VSTM2A: variants seen among roughly 807,000 people sequenced by gnomAD.
VSTM2A encodes the protein V-set and transmembrane domain containing 2A, also known as V-set and transmembrane domain-containing protein 2A.
Under a neutral mutation model 27.3 loss-of-function variants are expected in VSTM2A, and 13 were observed. That is an observed-to-expected ratio of 0.48 (90% CI 0.31 to 0.76). The LOEUF (loss-of-function observed/expected upper bound fraction) is 0.76, where lower values mean the gene tolerates loss of function less well. Among genes scored for constraint, VSTM2A ranks in the 30% least tolerant of loss-of-function variants. The pLI, the probability that VSTM2A is intolerant of heterozygous loss-of-function variation, is 0.05. For missense variants in VSTM2A, 280 were observed against 310.0 expected (o/e 0.90, Z 0.73); for synonymous variants, 142 against 125.7 (o/e 1.13, Z -0.87).
At chr7:54,553,149 T>C (rs1423452426) in intron 4 of VSTM2A, among the ~76,000 whole-genome samples, 1 of 152,232 alleles carries the variant, frequency 6.6e-6, no homozygotes, top group Admixed American at 6.5e-5. Flanking sequence ...AGCTAACTGT[T>C]ATTTAATACG....
intron 4 of VSTM2A, among the ~76,000 whole-genome samples, chr7:54,567,900 G>A (rs548952804): frequency 6.6e-4 from 100 of 152,066 alleles, no homozygotes; most frequent in Non-Finnish European, 1.2e-3. Flanking sequence ...CAAAATCTCT[G>A]TACTTAGAAC....
At chr7:54,564,035 A>G (rs1399342596) in intron 4 of VSTM2A, among the ~76,000 whole-genome samples, 1 of 152,192 alleles carries the variant, frequency 6.6e-6, no homozygotes, top group African/African-American at 2.4e-5. Context: ...TTTTTCTCAC[A>G]CAGCGATTTT....
At chr7:54,565,073 CATTCAAATGATAGCTGCACATCTCAATTT>C (rs372757198) in intron 4 of VSTM2A, among the ~76,000 whole-genome samples, 107,909 of 151,620 alleles carry the variant, frequency 0.71, 39,687 homozygotes, top group Middle Eastern at 0.89. Flanking sequence ...GATGAGTATA[CATTCAAATGATAGCTGCACATCTCAATTT>C]AACAAATGTG....
At chr7:54,544,912 C>T (rs1584041935) in intron 2 of VSTM2A, 124 bp downstream of exon 2, 1 of 1,192,420 alleles carries the variant, frequency 8.4e-7, no homozygotes, top group Non-Finnish European at 1.1e-6. Context: ...TCTGTGGAAG[C>T]GAGTGACCCC....
chr7:54,546,445 G>A (rs980330561), intron 2 of VSTM2A, among the ~76,000 whole-genome samples: 1 of 151,870 alleles, frequency 6.6e-6, no homozygotes, highest in African/African-American at 2.4e-5. Flanking sequence ...GGGCGGGACG[G>A]CAGGCGGGAT....
chr7:54,558,219 G>A (rs1160529597), intron 4 of VSTM2A: 1 of 152,100 alleles, frequency 6.6e-6, no homozygotes, highest in East Asian at 1.9e-4. Context: ...AAATCACAAA[G>A]TAATTAGCAA....
chr7:54,544,003 T>C (rs925942389), intron 1 of VSTM2A, among the ~76,000 whole-genome samples: 1 of 152,180 alleles, frequency 6.6e-6, no homozygotes, highest in Non-Finnish European at 1.5e-5. Flanking sequence ...CATCTTAAGA[T>C]GTATGGCAAT....
At chr7:54,556,429 G>C (rs952910225) in intron 4 of VSTM2A, among the ~76,000 whole-genome samples, 1 of 152,330 alleles carries the variant, frequency 6.6e-6, no homozygotes. Context: ...AAGTCATTGG[G>C]AGGAGGGAGA....
Position 54,542,726 on chromosome 7 carries a change from T to C in VSTM2A, c.-5T>C. On this transcript the variant is annotated 5_prime_UTR_variant, in exon 1 of 5. Transcript: ENST00000402613. ...ACACTGATGTGACCCCCCTCCCTTT[T>C]TGGAATGATGGGGATCTTTTTGGTG... 3.7e-6 allele frequency: 6 copies of C among 1,613,604 alleles called. 1 individual carries two copies. The Middle Eastern group carries it at 5.0e-4, about 133-fold the overall frequency.
intron 4 of VSTM2A, chr7:54,551,989 A>G (rs547507540): frequency 1.3e-5 from 2 of 152,346 alleles, no homozygotes; most frequent in East Asian, 3.9e-4. Context: ...TAATAATGCA[A>G]TCTCAAAATA....
At chr7:54,549,795 T>G in intron 3 of VSTM2A, 39 bp from the exon 4 acceptor site, 1 of 1,514,898 alleles carries the variant, frequency 6.6e-7, no homozygotes, top group Admixed American at 2.1e-5. Flanking sequence ...AATCATTTGA[T>G]GTAGCACTTT....
intron 3 of VSTM2A, chr7:54,547,201 A>G (rs762961358): frequency 3.9e-6 from 2 of 514,578 alleles, no homozygotes; most frequent in Non-Finnish European, 6.6e-6. Context: ...ATGTCTAAAC[A>G]TTCTAGAGAA....
intron 4 of VSTM2A, chr7:54,558,715 T>C (rs910813515): frequency 8.6e-5 from 13 of 151,996 alleles, no homozygotes; most frequent in African/African-American, 3.1e-4. Context: ...AATTTAAAAA[T>C]GTAACAGTTA....
intron 4 of VSTM2A, among the ~76,000 whole-genome samples, chr7:54,554,507 A>G (rs1447866328): frequency 6.6e-6 from 1 of 152,232 alleles, no homozygotes; most frequent in African/African-American, 2.4e-5. Context: ...TGGCAGAGTA[A>G]GGATGTCTGC....
At position 54,568,134 on chromosome 7, in the gene VSTM2A, A is replaced by G. The variant is rs1016250639; in HGVS notation, c.635-997A>G. On this transcript the variant is annotated intron_variant, in intron 4 of 4. Coordinates refer to ENST00000402613, the MANE Select transcript of VSTM2A (RefSeq NM_001301009.2). ...AGCAGAAATACAGTAATGTGAGTTTACTAAATGGCTACTTTGGAAGCCCCA... is the reference window on the plus strand; with the variant it reads ...AGCAGAAATACAGTAATGTGAGTTTGCTAAATGGCTACTTTGGAAGCCCCA... Among the ~76,000 whole-genome samples, 4 of 152,250 alleles carry G rather than the reference A, an allele frequency of 2.6e-5. No homozygotes were observed. The East Asian group carries it at 7.7e-4, about 29-fold the overall frequency.
intron 4 of VSTM2A, chr7:54,558,446 A>G (rs2115879210): frequency 6.6e-6 from 1 of 152,314 alleles, no homozygotes; most frequent in Admixed American, 6.5e-5. Flanking sequence ...TAAAACTGAT[A>G]TGGTAATACT....
intron 2 of VSTM2A, among the ~76,000 whole-genome samples, chr7:54,545,324 G>T (rs1787913071): frequency 6.6e-6 from 1 of 150,686 alleles, no homozygotes; most frequent in African/African-American, 2.4e-5. Context: ...GGGGGAAATG[G>T]AGGAGGGAGA....
intron 4 of VSTM2A, chr7:54,559,014 T>A (rs1788465404): frequency 6.6e-6 from 1 of 152,004 alleles, no homozygotes; most frequent in African/African-American, 2.4e-5. Context: ...AGGAAAATAA[T>A]AAATGTCAAT....
chr7:54,550,085 C>T lies in VSTM2A; in HGVS notation c.549C>T (p.Ser183=). 3.2e-5 allele frequency: 52 copies of T among 1,608,780 alleles called. No individual in the cohort carries two copies. Among genetic ancestry groups the T allele is most frequent in the Non-Finnish European group, 4.3e-5 (51 of 1,177,636 alleles). ...ACGTCTCCGCAGCCATCCCCAGCAG[C>T]ATCCATGGCTCTGCCAACCAACGAA... ...RKNVSAAIPS[S]IHGSANQRTH... is the part of the protein sequence containing the mutation. The change falls in exon 4 of 5, where the codon AGC becomes AGT. Residue 183 remains serine (S), a synonymous_variant. Coordinates refer to ENST00000402613, the MANE Select transcript of VSTM2A (RefSeq NM_001301009.2).
Sources: gnomAD v4.1 joint callset for allele counts (sites outside exome capture counted in the v4.1 genomes callset) on GRCh38, gnomAD v4.1.1 for gene constraint, MANE v1.5 for transcripts, NCBI Gene and HGNC (gene_info 2026-07-23, HGNC 2026-07-21) for gene names.